The following CTNNBIP1 variants were observed in gnomAD, a reference collection of about 807,000 sequenced individuals.
CTNNBIP1 encodes beta-catenin-interacting protein 1.
In CTNNBIP1, 7 loss-of-function variants were observed where a neutral mutation model predicts 11.8. That is an observed-to-expected ratio of 0.60 (90% CI 0.34 to 1.12). The LOEUF is 1.12. CTNNBIP1 is among the 50% of genes most tolerant of loss of function. CTNNBIP1 has a pLI of 0.03. For missense variants in CTNNBIP1, 101 were observed against 113.4 expected (o/e 0.89, Z 0.50); for synonymous variants, 58 against 43.9 (o/e 1.32, Z -1.26).
chr1:9,905,035 G>A (rs771917127), intron 1 of CTNNBIP1, among the ~76,000 whole-genome samples: 1 of 152,124 alleles, frequency 6.6e-6, no homozygotes. Flanking sequence ...ACTCTGGCTG[G>A]CCTCAAAAAC....
chr1:9,887,775 AT>A (rs1285607082), intron 1 of CTNNBIP1, among the ~76,000 whole-genome samples: 1 of 152,186 alleles, frequency 6.6e-6, no homozygotes, highest in East Asian at 1.9e-4. Flanking sequence ...CCCACTGCCA[AT>A]CAGAGATTAA....
At chr1:9,901,931 A>G (rs1052501326) in intron 1 of CTNNBIP1, among the ~76,000 whole-genome samples, 1 of 152,156 alleles carries the variant, frequency 6.6e-6, no homozygotes, top group Non-Finnish European at 1.5e-5. Flanking sequence ...CTCTCACTCC[A>G]AATGTGAGTG....
In CTNNBIP1 at chr1:9,901,157, A is replaced by G. The variant is rs180675411; in HGVS notation, c.-144+8938T>C. Among the ~76,000 whole-genome samples the G allele has an allele frequency of 1.4e-3, 220 of 152,376 alleles. 2 individuals are homozygous for G. Among genetic ancestry groups the G allele is most frequent in the African/African-American group, 4.4e-3 (185 of 41,590 alleles). ...AAGCATTAAAATGTCATCTACCTGG[A>G]AAGAATAACAGAAACCTAGAAGTTC... is the stretch of plus-strand genomic sequence containing the variant. On this transcript the variant is annotated intron_variant, in intron 1 of 5. Coordinates refer to ENST00000377263, the MANE Select transcript of CTNNBIP1 (RefSeq NM_020248.3).
At chr1:9,890,423 TAA>T (rs59524409) in intron 1 of CTNNBIP1, among the ~76,000 whole-genome samples, 5,315 of 152,256 alleles carry the variant, frequency 0.035, 297 homozygotes, top group African/African-American at 0.12. Flanking sequence ...GGCTTAATTT[TAA>T]AAGAGGTTCT....
chr1:9,894,374 G>T (rs184900373), intron 1 of CTNNBIP1, among the ~76,000 whole-genome samples: 1 of 152,152 alleles, frequency 6.6e-6, no homozygotes, highest in African/African-American at 2.4e-5. Context: ...TTTGTTTTTT[G>T]AAACAGTGTC....
intron 3 of CTNNBIP1, among the ~76,000 whole-genome samples, chr1:9,877,621 CA>C (rs1328611400): frequency 2.0e-5 from 3 of 152,008 alleles, no homozygotes; most frequent in African/African-American, 4.8e-5. Context: ...GTTTACATTG[CA>C]AAAAAATACA....
chr1:9,887,294 A>T (rs1639207185), intron 1 of CTNNBIP1, among the ~76,000 whole-genome samples: 1 of 152,236 alleles, frequency 6.6e-6, no homozygotes, highest in South Asian at 2.1e-4. Flanking sequence ...AGAGAAGGTA[A>T]GTAACCTGCC....
chr1:9,889,280 G>A (rs960852234), intron 1 of CTNNBIP1, among the ~76,000 whole-genome samples: 1 of 152,192 alleles, frequency 6.6e-6, no homozygotes, highest in African/African-American at 2.4e-5. Flanking sequence ...CTCTCAATGG[G>A]GGCGATTCTG....
chr1:9,879,235 C>G (rs1249506302), intron 2 of CTNNBIP1, among the ~76,000 whole-genome samples: 1 of 151,974 alleles, frequency 6.6e-6, no homozygotes, highest in African/African-American at 2.4e-5. Flanking sequence ...ACTTTTACTA[C>G]CCACTCTTCT....
At chr1:9,889,345 T>C (rs1194337368) in intron 1 of CTNNBIP1, among the ~76,000 whole-genome samples, 2 of 152,140 alleles carry the variant, frequency 1.3e-5, no homozygotes, top group African/African-American at 4.8e-5. Context: ...TCACGACTAG[T>C]AGGGTCCTGC....
In CTNNBIP1 at chr1:9,871,960, G is replaced by C; in HGVS notation, c.96+9C>G. 4 of 1,613,000 alleles carry C rather than the reference G, an allele frequency of 2.5e-6. No homozygotes were observed. Among genetic ancestry groups the C allele is most frequent in the Non-Finnish European group, 3.4e-6 (4 of 1,178,984 alleles). On this transcript the variant is annotated intron_variant, in intron 4 of 5. Coordinates refer to ENST00000377263, the MANE Select transcript of CTNNBIP1 (RefSeq NM_020248.3). This position sits in a 1 kb window ranked among gnomAD's most constrained non-coding sequence, Gnocchi z 5.2. ...GGGGCCCGCTGCCTGACACCCCACA[G>C]GCACTCACGTTTGATCCCATCTTCC...
chr1:9,869,930 C>T (rs1037849953), intron 5 of CTNNBIP1, among the ~76,000 whole-genome samples: 1 of 152,236 alleles, frequency 6.6e-6, no homozygotes, highest in Non-Finnish European at 1.5e-5. Context: ...CCACATAGAA[C>T]AGGCTGCCGC....
At chr1:9,862,873 T>A (rs1230269901) in intron 5 of CTNNBIP1, among the ~76,000 whole-genome samples, 1 of 152,192 alleles carries the variant, frequency 6.6e-6, no homozygotes, top group Non-Finnish European at 1.5e-5. Flanking sequence ...AACTGTGGGC[T>A]GATGTGAGTG....
chr1:9,866,774 G>A (rs1362478639), intron 5 of CTNNBIP1, among the ~76,000 whole-genome samples: 2 of 152,048 alleles, frequency 1.3e-5, no homozygotes, highest in African/African-American at 4.8e-5. Flanking sequence ...AGACCTGAGG[G>A]GGCAAGATGG....
chr1:9,869,181 G>A (rs574537852), intron 5 of CTNNBIP1, among the ~76,000 whole-genome samples: 23 of 150,108 alleles, frequency 1.5e-4, no homozygotes, highest in African/African-American at 5.4e-4. Flanking sequence ...TGTATTTTTT[G>A]TAGCGAGAGG....
At chr1:9,876,713 A>C (rs1404812039) in intron 3 of CTNNBIP1, among the ~76,000 whole-genome samples, 1 of 152,246 alleles carries the variant, frequency 6.6e-6, no homozygotes, top group Non-Finnish European at 1.5e-5. Flanking sequence ...TTTATTATGT[A>C]GTAGGCAACC....
At chr1:9,888,205 A>T (rs574581386) in intron 1 of CTNNBIP1, among the ~76,000 whole-genome samples, 8 of 151,878 alleles carry the variant, frequency 5.3e-5, no homozygotes, top group Admixed American at 5.2e-4. Flanking sequence ...CTGAGGTGGG[A>T]GTATCACTTG....
At position 9,853,046 on chromosome 1, in the gene CTNNBIP1, T is replaced by C. The variant is rs917035580; in HGVS notation, c.188-2270A>G. Among the ~76,000 whole-genome samples the C allele has an allele frequency of 3.3e-5, 5 of 152,260 alleles. No individual in the cohort carries two copies. The East Asian group carries it at 7.7e-4, about 23-fold the overall frequency. On this transcript the variant is annotated intron_variant, in intron 5 of 5. Coordinates refer to ENST00000377263, the MANE Select transcript of CTNNBIP1 (RefSeq NM_020248.3). ...CTCTGATGGCTATTTAACAAGACAC[T>C]TGAAGCAAAGGATTTGCAAGAGTCC...
chr1:9,849,942 CTGG>C lies in CTNNBIP1; in HGVS notation c.*773_*775del, dbSNP rs1257067586. On this transcript the variant is annotated 3_prime_UTR_variant, in exon 6 of 6. Transcript: ENST00000377263. ...GCTCAGGGTTCTCGGGGTCCCCTTG[CTGG>C]TGGAGGCAGGTGCACTCATTAAAGC... The C allele has an allele frequency of 1.3e-5, 2 of 152,338 alleles. No homozygotes were observed. The highest frequency in any genetic ancestry group is 3.9e-4 in the East Asian group (2 of 5,188). 9.4% of individuals were successfully genotyped at this position (152,338 alleles called of 1,614,324 possible).
Sources: gnomAD v4.1 joint callset for allele counts (sites outside exome capture counted in the v4.1 genomes callset) on GRCh38, gnomAD v4.1.1 for gene constraint, Gnocchi (gnomAD v3.1) non-coding constraint, MANE v1.5 for transcripts, NCBI Gene and HGNC (gene_info 2026-07-23, HGNC 2026-07-21) for gene names.